Variants in GRM5 observed in about 807,000 individuals in gnomAD.
The protein encoded by GRM5 is glutamate metabotropic receptor 5.
GRM5 carries 19 observed loss-of-function variants against 83.1 expected under a neutral mutation model. The observed-to-expected ratio is 0.23, with a 90% CI of 0.16 to 0.34. The LOEUF (loss-of-function observed/expected upper bound fraction) is 0.34, where lower values mean the gene tolerates loss of function less well. Among genes scored for constraint, GRM5 ranks in the 10% least tolerant of loss-of-function variants. The pLI is 1.00. For missense variants in GRM5, 1,160 were observed against 1,588.3 expected, an observed-to-expected ratio of 0.73 and a Z score of 4.58; for synonymous variants, 675 against 633.6, an observed-to-expected ratio of 1.07 and a Z score of -0.98.
At chr11:88,594,850 C>A (rs1937755589) in intron 6 of GRM5, among the ~76,000 whole-genome samples, 1 of 152,214 alleles carries the variant, frequency 6.6e-6, no homozygotes, top group Non-Finnish European at 1.5e-5. Context: ...GAATACACTG[C>A]CTGAAATGTG....
chr11:89,014,587 A>G (rs1304844723), intron 2 of GRM5, among the ~76,000 whole-genome samples: 1 of 152,200 alleles, frequency 6.6e-6, no homozygotes, highest in Non-Finnish European at 1.5e-5. Context: ...CAAAATAGAA[A>G]GAATGAATAA....
At chr11:88,625,537 C>T (rs894732176) in intron 4 of GRM5, among the ~76,000 whole-genome samples, 3 of 152,056 alleles carry the variant, frequency 2.0e-5, no homozygotes, top group South Asian at 2.1e-4. Flanking sequence ...GCACTAGCAT[C>T]GTACCGGCAT....
intron 3 of GRM5, among the ~76,000 whole-genome samples, chr11:88,660,220 G>T (rs1939869502): frequency 6.6e-6 from 1 of 152,098 alleles, no homozygotes; most frequent in Non-Finnish European, 1.5e-5. Flanking sequence ...ATAAACAGTA[G>T]AAATCATTAG....
In GRM5 at chr11:88,653,231, G is replaced by A. The variant is rs1565173009; in HGVS notation, c.1084C>T (p.Arg362Cys). 6.2e-7 allele frequency: 1 copy of A among 1,613,014 alleles called. No individual in the cohort carries two copies. Among genetic ancestry groups the A allele is most frequent in the Non-Finnish European group, 8.5e-7 (1 of 1,179,334 alleles). ...NPWFQEFWQH[R>C]FQCRLEGFPQ... ...AACCCTTCCAGTCGGCACTGAAAAC[G>A]ATGCTGCCAAAATTCTTGAAACCAA... The change falls in exon 4 of 10, where the codon CGT becomes TGT. Residue 362 changes from arginine to cysteine, a missense_variant. Arg to Cys is a radical substitution (Grantham distance 180). Coordinates refer to ENST00000305447, the MANE Select transcript of GRM5 (RefSeq NM_001143831.3).
At chr11:88,604,124 G>T (rs1398969750) in intron 5 of GRM5, among the ~76,000 whole-genome samples, 6 of 151,886 alleles carry the variant, frequency 4.0e-5, no homozygotes, top group African/African-American at 4.8e-5. Flanking sequence ...GATTTCTCTG[G>T]GGACTGACCT....
chr11:88,718,715 T>A (rs896006771), intron 3 of GRM5, among the ~76,000 whole-genome samples: 2 of 151,984 alleles, frequency 1.3e-5, no homozygotes, highest in African/African-American at 2.4e-5. Flanking sequence ...TGATTTTGCT[T>A]CTATACCTAC....
chr11:88,876,888 A>C (rs1387234033), intron 2 of GRM5, among the ~76,000 whole-genome samples: 1 of 152,142 alleles, frequency 6.6e-6, no homozygotes, highest in Non-Finnish European at 1.5e-5. Flanking sequence ...CAGCCATAAA[A>C]AAAGAATGAA....
intron 3 of GRM5, among the ~76,000 whole-genome samples, chr11:88,781,233 G>A (rs1942970176): frequency 6.6e-6 from 1 of 151,528 alleles, no homozygotes; most frequent in African/African-American, 2.4e-5. Flanking sequence ...TAAGAATGAA[G>A]GGAAAGAGAA....
chr11:89,056,431 A>G (rs1941876605), intron 1 of GRM5, among the ~76,000 whole-genome samples: 1 of 152,190 alleles, frequency 6.6e-6, no homozygotes, highest in African/African-American at 2.4e-5. Flanking sequence ...GTGTCTAGTA[A>G]AAGAAAAGAT....
At chr11:88,888,205 T>C (rs535730584) in intron 2 of GRM5, among the ~76,000 whole-genome samples, 6 of 152,314 alleles carry the variant, frequency 3.9e-5, no homozygotes, top group South Asian at 4.1e-4. Flanking sequence ...GATAGGCATA[T>C]AGAAGTTTTC....
chr11:88,963,685 A>G (rs1938854172), intron 2 of GRM5, among the ~76,000 whole-genome samples: 1 of 152,096 alleles, frequency 6.6e-6, no homozygotes, highest in Non-Finnish European at 1.5e-5. Flanking sequence ...ACCACTTGTA[A>G]TTTCTTAATT....
At chr11:88,827,208 A>C (rs968207213) in intron 3 of GRM5, among the ~76,000 whole-genome samples, 63 of 152,200 alleles carry the variant, frequency 4.1e-4, no homozygotes, top group African/African-American at 1.4e-3. Context: ...TCAATGTGCT[A>C]AGGGCAGTGC....
At chr11:88,533,772 T>C (rs1343476982) in intron 8 of GRM5, among the ~76,000 whole-genome samples, 5 of 152,162 alleles carry the variant, frequency 3.3e-5, no homozygotes, top group Non-Finnish European at 5.9e-5. Context: ...GGGGAAAATG[T>C]CTCCAGAGCA....
At chr11:88,760,859 A>G (rs1351272268) in intron 3 of GRM5, among the ~76,000 whole-genome samples, 2 of 152,194 alleles carry the variant, frequency 1.3e-5, no homozygotes, top group African/African-American at 4.8e-5. Flanking sequence ...CTTATCCGTC[A>G]TGATCAAGTA....
intron 2 of GRM5, among the ~76,000 whole-genome samples, chr11:88,881,315 A>C (rs1944949837): frequency 2.0e-5 from 3 of 151,834 alleles, no homozygotes; most frequent in Admixed American, 2.0e-4. Flanking sequence ...GCTCAACCAT[A>C]ATAGGCCTAA....
At chr11:89,039,828 G>T (rs935265582) in intron 2 of GRM5, among the ~76,000 whole-genome samples, 77 of 152,226 alleles carry the variant, frequency 5.1e-4, no homozygotes, top group African/African-American at 1.6e-3. Context: ...TTTGATATTG[G>T]TCTTGCCCTG....
intron 3 of GRM5, among the ~76,000 whole-genome samples, chr11:88,777,512 G>A (rs113766455): frequency 4.5e-4 from 69 of 152,282 alleles, no homozygotes; most frequent in Non-Finnish European, 3.2e-4. Flanking sequence ...TGGAGAAGGG[G>A]CACTCTGATT....
intron 3 of GRM5, among the ~76,000 whole-genome samples, chr11:88,695,451 ATTAC>A (rs1940879131): frequency 1.3e-5 from 2 of 152,190 alleles, no homozygotes; most frequent in African/African-American, 4.8e-5. Context: ...TTTGTGTGAT[ATTAC>A]TTACTGCTTT....
chr11:89,061,199 T>A (rs1389324835), intron 1 of GRM5, among the ~76,000 whole-genome samples: 1 of 152,154 alleles, frequency 6.6e-6, no homozygotes, highest in African/African-American at 2.4e-5. Context: ...TACGTATACA[T>A]AATACAATAA....
Sources: allele counts gnomAD v4.1 joint callset (sites outside exome capture counted in the v4.1 genomes callset), GRCh38; gene constraint gnomAD v4.1.1; transcripts MANE v1.5; gene names NCBI Gene and HGNC (gene_info 2026-07-23, HGNC 2026-07-21).